CAP2: variants seen among roughly 807,000 people sequenced by gnomAD.
CAP2 encodes the protein adenylyl cyclase-associated protein 2.
Under a neutral mutation model 57.7 loss-of-function variants are expected in CAP2, and 24 were observed. The ratio of observed to expected loss-of-function variants is 0.42; its 90% CI spans 0.30 to 0.58. CAP2 has a LOEUF of 0.58. Among genes scored for constraint, CAP2 ranks in the 20% least tolerant of loss-of-function variants. The probability of loss-of-function intolerance (pLI) is 0.22; values close to 1 mark genes in which losing one functional copy is unlikely to be tolerated. For missense variants in CAP2, 501 were observed against 590.3 expected (o/e 0.85, Z 1.57); for synonymous variants, 194 against 207.2 (o/e 0.94, Z 0.55).
At chr6:17,522,521 A>C (rs1203139165) in intron 7 of CAP2, among the ~76,000 whole-genome samples, 1 of 152,238 alleles carries the variant, frequency 6.6e-6, no homozygotes, top group Non-Finnish European at 1.5e-5. Flanking sequence ...GAGCCACAAA[A>C]GGGCTGACAC....
In CAP2 at chr6:17,543,127, A is replaced by G. The variant is rs1247691764; in HGVS notation, c.1193A>G (p.Gln398Arg). ...GGCATTGTGGAAGTGATCAACTCCCAGGACATTCAAATCCAGGTAAGCAGA... is the reference window on the plus strand; with the variant it reads ...GGCATTGTGGAAGTGATCAACTCCCGGGACATTCAAATCCAGGTAAGCAGA... ...VVGIVEVINSQDIQIQVMGRV... is the reference protein window; with the variant it reads ...VVGIVEVINSRDIQIQVMGRV... Residue 398 changes from glutamine (Q) to arginine (R), a missense_variant, in exon 11 of 13, where the codon CAG (glutamine) becomes CGG (arginine). Gln to Arg is a conservative substitution (Grantham distance 43). Transcript: ENST00000229922. The G allele has an allele frequency of 6.2e-7, 1 of 1,613,700 alleles. No homozygotes were observed. Among genetic ancestry groups the G allele is most frequent in the Non-Finnish European group, 8.5e-7 (1 of 1,179,698 alleles).
intron 3 of CAP2, among the ~76,000 whole-genome samples, chr6:17,453,553 G>A (rs1455839979): frequency 5.9e-5 from 9 of 152,120 alleles, no homozygotes; most frequent in Non-Finnish European, 8.8e-5. Context: ...CTTATCAAAC[G>A]GTTAATACAT....
intron 7 of CAP2, among the ~76,000 whole-genome samples, chr6:17,524,888 CTTTTCTTTTT>C (rs1285534095): frequency 1.4e-5 from 1 of 72,196 alleles, no homozygotes; most frequent in Non-Finnish European, 3.1e-5. Context: ...CTTTTCTTTT[CTTTTCTTTTT>C]TTTTTTTTTT....
chr6:17,534,615 C>T (rs202046692), intron 7 of CAP2, among the ~76,000 whole-genome samples: 18 of 152,272 alleles, frequency 1.2e-4, no homozygotes, highest in East Asian at 9.7e-4. Context: ...ATCTGCCCTC[C>T]GCCCGTGCCC....
At chr6:17,527,625 C>G (rs964931806) in intron 7 of CAP2, among the ~76,000 whole-genome samples, 1 of 112,110 alleles carries the variant, frequency 8.9e-6, no homozygotes, top group Non-Finnish European at 1.7e-5. Context: ...GAGACAAAGT[C>G]TTGCTCTGTC....
chr6:17,535,519 C>CT (rs1429744340), intron 7 of CAP2, among the ~76,000 whole-genome samples: 1 of 151,984 alleles, frequency 6.6e-6, no homozygotes, highest in Non-Finnish European at 1.5e-5. Context: ...AGGTGATCTT[C>CT]TGCCTCGGCC....
chr6:17,402,095 GTGCTT>G (rs1190834015), intron 1 of CAP2, among the ~76,000 whole-genome samples: 2 of 152,112 alleles, frequency 1.3e-5, no homozygotes, highest in African/African-American at 2.4e-5. Flanking sequence ...ATGTGCACAG[GTGCTT>G]TGAGAATATA....
rs551052547 is a variant in CAP2, at chr6:17,520,338, G to A, written c.636+6384G>A. On this transcript the variant is annotated intron_variant, in intron 7 of 12. Transcript: ENST00000229922. Reference sequence around the variant, plus strand: ...TTGCCCAGGCTGGTCTCAAACTCCTGGGCTCAAGTGATCCGCCTGCCTTGG... The same window carrying A: ...TTGCCCAGGCTGGTCTCAAACTCCTAGGCTCAAGTGATCCGCCTGCCTTGG... Among the ~76,000 whole-genome samples the A allele has an allele frequency of 3.2e-4, 49 of 152,170 alleles. No homozygotes were observed. The South Asian group carries it at 8.3e-3, about 26-fold the overall frequency.
intron 1 of CAP2, among the ~76,000 whole-genome samples, chr6:17,396,691 GT>G (rs1554119122): frequency 6.6e-6 from 1 of 152,084 alleles, no homozygotes; most frequent in Non-Finnish European, 1.5e-5. Context: ...AGGTCACAGG[GT>G]TTCTTTTTGA....
chr6:17,451,586 T>C (rs2113578995), intron 3 of CAP2, among the ~76,000 whole-genome samples: 1 of 152,202 alleles, frequency 6.6e-6, no homozygotes, highest in African/African-American at 2.4e-5. Context: ...CTCTGGTCAC[T>C]GCAACTTCCG....
At chr6:17,509,375 AT>A (rs982214619) in intron 6 of CAP2, among the ~76,000 whole-genome samples, 2 of 151,990 alleles carry the variant, frequency 1.3e-5, no homozygotes, top group African/African-American at 4.8e-5. Context: ...ATGTAACAAT[AT>A]TTTTTTACTA....
At chr6:17,552,886 C>T (rs1763203865) in intron 12 of CAP2, among the ~76,000 whole-genome samples, 1 of 152,182 alleles carries the variant, frequency 6.6e-6, no homozygotes, top group African/African-American at 2.4e-5. Context: ...CAGCTCTGCT[C>T]AGCCACGTGT....
At chr6:17,425,146 AC>A (rs1759556101) in intron 2 of CAP2, among the ~76,000 whole-genome samples, 1 of 152,044 alleles carries the variant, frequency 6.6e-6, no homozygotes, top group Admixed American at 6.5e-5. Flanking sequence ...AAAGAAAGAC[AC>A]TCTCCTAATA....
intron 3 of CAP2, among the ~76,000 whole-genome samples, chr6:17,462,643 A>G (rs1760758071): frequency 6.6e-6 from 1 of 152,130 alleles, no homozygotes; most frequent in Admixed American, 6.5e-5. Flanking sequence ...TATAAATGGG[A>G]TCATACAAAT....
Position 17,531,032 on chromosome 6 carries a change from T to G in CAP2, c.637-8237T>G. 5 of 898,072 alleles carry G rather than the reference T, an allele frequency of 5.6e-6. No individual in the cohort carries two copies. The Admixed American group carries it at 8.5e-5, about 15-fold the overall frequency. 55.6% of individuals were successfully genotyped at this position (898,072 alleles called of 1,614,324 possible). On this transcript the variant is annotated intron_variant, in intron 7 of 12. Coordinates refer to ENST00000229922, the MANE Select transcript of CAP2 (RefSeq NM_006366.3). ...TGAAGGGCCACAGGAAGTTATTTGC[T>G]TCTTTGAAGTGTTTTCCAATGGTAT...
chr6:17,438,734 C>A (rs1292667926), intron 3 of CAP2, among the ~76,000 whole-genome samples: 2 of 147,212 alleles, frequency 1.4e-5, no homozygotes, highest in Non-Finnish European at 3.0e-5. Context: ...CCACCGCACC[C>A]GGCCCAGAAG....
At chr6:17,421,490 T>C in intron 1 of CAP2, 65 bp from the exon 2 acceptor site, 1 of 1,556,078 alleles carries the variant, frequency 6.4e-7, no homozygotes, top group Non-Finnish European at 8.9e-7. Context: ...TTGAGACTGA[T>C]GGTGTTGGTT....
chr6:17,464,778 T>C (rs1051534619), intron 4 of CAP2, among the ~76,000 whole-genome samples: 1 of 152,242 alleles, frequency 6.6e-6, no homozygotes, highest in Non-Finnish European at 1.5e-5. Flanking sequence ...CTCCTTGCTC[T>C]TCTCAATCTC....
chr6:17,401,201 A>G (rs939329792), intron 1 of CAP2, among the ~76,000 whole-genome samples: 5 of 152,164 alleles, frequency 3.3e-5, no homozygotes, highest in African/African-American at 1.2e-4. Flanking sequence ...GGGGTAGAGC[A>G]CTCATGAATG....
Sources: gnomAD v4.1 joint callset for allele counts (sites outside exome capture counted in the v4.1 genomes callset) on GRCh38, gnomAD v4.1.1 for gene constraint, MANE v1.5 for transcripts, NCBI Gene and HGNC (gene_info 2026-07-23, HGNC 2026-07-21) for gene names.